PRR16: variants seen among roughly 807,000 people sequenced by gnomAD.
The protein encoded by PRR16 is protein Largen.
A neutral mutation model predicts 18.2 loss-of-function variants in PRR16; 6 were observed. The observed-to-expected ratio is 0.33, with a 90% CI of 0.18 to 0.65. PRR16 has a LOEUF of 0.65. Ranked by LOEUF, PRR16 falls within the 30% of genes least tolerant of loss-of-function variation. The probability of loss-of-function intolerance (pLI) is 0.74; values close to 1 mark genes in which losing one functional copy is unlikely to be tolerated. For missense variants in PRR16, 412 were observed against 376.6 expected (o/e 1.09, Z -0.78); for synonymous variants, 151 against 147.8 (o/e 1.02, Z -0.16).
At chr5:120,549,287 A>G (rs926821296) in intron 1 of PRR16, among the ~76,000 whole-genome samples, 1 of 151,906 alleles carries the variant, frequency 6.6e-6, no homozygotes, top group African/African-American at 2.4e-5. Context: ...TTTTGTAGAG[A>G]TGGCATATCG....
chr5:120,614,005 T>C (rs1754421158), intron 1 of PRR16, among the ~76,000 whole-genome samples: 1 of 152,230 alleles, frequency 6.6e-6, no homozygotes, highest in East Asian at 1.9e-4. Context: ...GAGCTTTCCT[T>C]AGTAAAGCAT....
At position 120,586,145 on chromosome 5, in the gene PRR16, C is replaced by T. The variant is rs183712146; in HGVS notation, c.160-99809C>T. Among the ~76,000 whole-genome samples the T allele has an allele frequency of 2.3e-3, 347 of 151,304 alleles. 1 individual carries two copies. Among genetic ancestry groups the T allele is most frequent in the Non-Finnish European group, 3.3e-3 (226 of 67,888 alleles). On this transcript the variant is annotated intron_variant, in intron 1 of 1. Transcript: ENST00000407149. ...CTGAGATTGTGCCACTGCACTCCAGCCCAGCAACAGAGCGAGACTCCATCT... is the reference window on the plus strand; with the variant it reads ...CTGAGATTGTGCCACTGCACTCCAGTCCAGCAACAGAGCGAGACTCCATCT...
chr5:120,677,946 G>A (rs1296658545), intron 1 of PRR16, among the ~76,000 whole-genome samples: 1 of 107,534 alleles, frequency 9.3e-6, no homozygotes, highest in Admixed American at 1.5e-4. Context: ...GTTTCGCTCT[G>A]TCGCCCAGGC....
chr5:120,679,891 A>T (rs1269199966), intron 1 of PRR16, among the ~76,000 whole-genome samples: 3 of 152,158 alleles, frequency 2.0e-5, no homozygotes, highest in African/African-American at 4.8e-5. Flanking sequence ...CGAAATAGCA[A>T]ATATGTGGGA....
At chr5:120,577,412 A>G (rs972962302) in intron 1 of PRR16, among the ~76,000 whole-genome samples, 1 of 151,622 alleles carries the variant, frequency 6.6e-6, no homozygotes, top group Non-Finnish European at 1.5e-5. Context: ...CCCACAGACA[A>G]TAATTTGACT....
chr5:120,596,680 CT>C (rs1355895793), intron 1 of PRR16, among the ~76,000 whole-genome samples: 3 of 151,686 alleles, frequency 2.0e-5, no homozygotes, highest in Non-Finnish European at 3.0e-5. Flanking sequence ...TGTAAGCCCC[CT>C]AATTCAGCTC....
rs535248412 is a variant in PRR16, at chr5:120,667,007, T to C, written c.160-18947T>C. On this transcript the variant is annotated intron_variant, in intron 1 of 1. Coordinates refer to ENST00000407149, the MANE Select transcript of PRR16 (RefSeq NM_001300783.2). ...TTAGGGAGGATTCCCTCTTTTTCTA[T>C]TGATTGGAATAGTTTCAGAAGGAAT... is the stretch of plus-strand genomic sequence containing the variant. Among the ~76,000 whole-genome samples, 589 of 150,214 alleles carry C rather than the reference T, an allele frequency of 3.9e-3. 7 individuals are homozygous for C. Among genetic ancestry groups the C allele is most frequent in the African/African-American group, 0.013 (540 of 40,932 alleles).
At chr5:120,538,725 C>T (rs188772953) in intron 1 of PRR16, among the ~76,000 whole-genome samples, 135 of 152,234 alleles carry the variant, frequency 8.9e-4, no homozygotes, top group African/African-American at 3.0e-3. Flanking sequence ...AGAAGGTTGT[C>T]CTTGCTTCCC....
chr5:120,699,291 A>T, the PRR16 span, among the ~76,000 whole-genome samples: 1 of 152,140 alleles, frequency 6.6e-6, no homozygotes, highest in Non-Finnish European at 1.5e-5. Flanking sequence ...CTATAGCATA[A>T]CCTGTCTTTG....
Position 120,658,272 on chromosome 5 carries a change from A to G in PRR16, c.160-27682A>G, listed in dbSNP as rs189828482. 5.3e-5 allele frequency: 8 copies of G among 151,490 alleles called. No homozygotes were observed. In the East Asian group the frequency reaches 1.6e-3, roughly 29 times the overall value. The allele number at this position is 151,490 out of a possible 1,614,324, so 9.4% of individuals were successfully genotyped here. On this transcript the variant is annotated intron_variant, in intron 1 of 1. Transcript: ENST00000407149. ...AGTGTGACATGTATGTCTGCCCAGTATATCAACTCCAGCCTCACTTAGGTT... is the reference window on the plus strand; with the variant it reads ...AGTGTGACATGTATGTCTGCCCAGTGTATCAACTCCAGCCTCACTTAGGTT...
chr5:120,652,096 A>T (rs1755810563), intron 1 of PRR16, among the ~76,000 whole-genome samples: 2 of 152,060 alleles, frequency 1.3e-5, no homozygotes, highest in Admixed American at 1.3e-4. Flanking sequence ...TATACTTTCA[A>T]GTTCTTTCAC....
the PRR16 span, among the ~76,000 whole-genome samples, chr5:120,707,929 A>C: frequency 6.6e-6 from 1 of 152,186 alleles, no homozygotes; most frequent in Non-Finnish European, 1.5e-5. Context: ...TGGGCTATAA[A>C]CCAATGGCCT....
chr5:120,472,321 A>G (rs1371733753), intron 1 of PRR16, among the ~76,000 whole-genome samples: 1 of 152,170 alleles, frequency 6.6e-6, no homozygotes, highest in Non-Finnish European at 1.5e-5. Flanking sequence ...CTTTCATAAT[A>G]TCACCTTATC....
intron 1 of PRR16, among the ~76,000 whole-genome samples, chr5:120,617,577 T>A (rs1324675686): frequency 6.6e-6 from 1 of 152,144 alleles, no homozygotes; most frequent in Admixed American, 6.6e-5. Context: ...ATTAATGAGG[T>A]CATGTTAGAA....
intron 1 of PRR16, among the ~76,000 whole-genome samples, chr5:120,667,049 T>C (rs1756405584): frequency 6.6e-6 from 1 of 151,564 alleles, no homozygotes; most frequent in Non-Finnish European, 1.5e-5. Context: ...AGCTCCTCCT[T>C]GTACCTCTGG....
chr5:120,762,717 C>T, the PRR16 span, among the ~76,000 whole-genome samples: 9 of 151,238 alleles, frequency 6.0e-5, no homozygotes, highest in African/African-American at 2.2e-4. Flanking sequence ...CAAGTATTTT[C>T]TCCCACTCAA....
intron 1 of PRR16, among the ~76,000 whole-genome samples, chr5:120,685,723 T>C (rs551027273): frequency 6.6e-6 from 1 of 152,256 alleles, no homozygotes; most frequent in Admixed American, 6.5e-5. Context: ...TATATATAAA[T>C]CATATGTTAT....
chr5:120,659,673 T>A (rs891628102), intron 1 of PRR16, among the ~76,000 whole-genome samples: 3 of 151,986 alleles, frequency 2.0e-5, no homozygotes, highest in African/African-American at 7.2e-5. Flanking sequence ...GGTTGGTAAA[T>A]TTTGGTCTTT....
At chr5:120,672,235 G>GGCCTGT (rs1756632073) in intron 1 of PRR16, among the ~76,000 whole-genome samples, 6 of 87,158 alleles carry the variant, frequency 6.9e-5, no homozygotes, top group Admixed American at 2.5e-4. Flanking sequence ...GCAGGTGAGG[G>GGCCTGT]GTCTGTGTGT....
Sources: allele counts gnomAD v4.1 joint callset (sites outside exome capture counted in the v4.1 genomes callset), GRCh38; gene constraint gnomAD v4.1.1; transcripts MANE v1.5; gene names NCBI Gene and HGNC (gene_info 2026-07-23, HGNC 2026-07-21).